Variants in FBXW10B observed in about 807,000 individuals in gnomAD.
The protein encoded by FBXW10B is F-box and WD repeat domain containing 10B.
chr17:15,594,984 C>G, the FBXW10B span: 2 of 1,548,966 alleles, frequency 1.3e-6, no homozygotes, highest in African/African-American at 2.7e-5. Flanking sequence ...AAGCCACCCC[C>G]CAACCAATCT....
chr17:15,579,796 T>C, the FBXW10B span, among the ~76,000 whole-genome samples: 2 of 152,354 alleles, frequency 1.3e-5, no homozygotes, highest in Admixed American at 6.5e-5. Context: ...TTAAGTGCAA[T>C]AAATAGGCAC....
chr17:15,588,040 C>A, the FBXW10B span, among the ~76,000 whole-genome samples: 2 of 152,172 alleles, frequency 1.3e-5, no homozygotes, highest in African/African-American at 4.8e-5. Flanking sequence ...AAGCCTTTCA[C>A]AAGATTCCAT....
chr17:15,593,537 A>G, the FBXW10B span: 1 of 1,605,310 alleles, frequency 6.2e-7, no homozygotes, highest in Non-Finnish European at 8.5e-7. Flanking sequence ...ATCCTCTCAT[A>G]AAATGCCTGG....
At chr17:15,568,034 G>A in the FBXW10B span, among the ~76,000 whole-genome samples, 2 of 152,214 alleles carry the variant, frequency 1.3e-5, no homozygotes, top group South Asian at 2.1e-4. Context: ...TAGAGTGGTG[G>A]GTTATTGAAC....
the FBXW10B span, chr17:15,589,228 C>T: frequency 5.6e-6 from 9 of 1,613,762 alleles, no homozygotes; most frequent in Middle Eastern, 1.6e-4. Flanking sequence ...GACTGAAATT[C>T]TGTGGATGCA....
At chr17:15,604,743 T>C in the FBXW10B span, among the ~76,000 whole-genome samples, 1 of 152,112 alleles carries the variant, frequency 6.6e-6, no homozygotes, top group Non-Finnish European at 1.5e-5. Flanking sequence ...TTCACCATGT[T>C]AGCCAGGATG....
chr17:15,576,552 C>T, the FBXW10B span, among the ~76,000 whole-genome samples: 1 of 152,196 alleles, frequency 6.6e-6, no homozygotes, highest in East Asian at 1.9e-4. Flanking sequence ...CAGGACTGGG[C>T]CTTTCTTCTT....
chr17:15,599,996 C>T, the FBXW10B span, among the ~76,000 whole-genome samples: 2,215 of 151,822 alleles, frequency 0.015, 52 homozygotes, highest in African/African-American at 0.051. Context: ...GCAAGCAGAT[C>T]ACGAGGTCAG....
chr17:15,585,811 G>T, the FBXW10B span, among the ~76,000 whole-genome samples: 1 of 152,232 alleles, frequency 6.6e-6, no homozygotes, highest in Non-Finnish European at 1.5e-5. Context: ...CATGAGCTTT[G>T]CTCTTGATCT....
the FBXW10B span, among the ~76,000 whole-genome samples, chr17:15,570,761 C>T: frequency 5.9e-5 from 9 of 152,172 alleles, no homozygotes; most frequent in East Asian, 7.7e-4. Flanking sequence ...GTCAGTATTC[C>T]AAAATCAGCT....
the FBXW10B span, among the ~76,000 whole-genome samples, chr17:15,611,578 C>G: frequency 6.6e-6 from 1 of 152,126 alleles, no homozygotes; most frequent in Admixed American, 6.5e-5. Flanking sequence ...CCACACCACC[C>G]GTCTCCTCCT....
chr17:15,574,558 TTGA>T, the FBXW10B span, among the ~76,000 whole-genome samples: 2 of 114,606 alleles, frequency 1.7e-5, no homozygotes, highest in African/African-American at 7.5e-5. Context: ...TCGGGGCCAC[TTGA>T]TGAACTTGAG....
chr17:15,588,691 A>C, the FBXW10B span: 1 of 639,128 alleles, frequency 1.6e-6, no homozygotes, highest in Non-Finnish European at 2.8e-6. Flanking sequence ...TCTTATTGTA[A>C]GTTTGTTTCA....
At chr17:15,601,838 C>T in the FBXW10B span, among the ~76,000 whole-genome samples, 8 of 152,206 alleles carry the variant, frequency 5.3e-5, no homozygotes, top group Admixed American at 2.0e-4. Context: ...TGAGGCCGGG[C>T]GCGGTGGCTC....
chr17:15,575,163 A>G, the FBXW10B span, among the ~76,000 whole-genome samples: 2 of 147,966 alleles, frequency 1.4e-5, no homozygotes, highest in East Asian at 2.0e-4. Flanking sequence ...AGTTCTTCTC[A>G]GGAGGATAAA....
chr17:15,596,059 C>A, the FBXW10B span, among the ~76,000 whole-genome samples: 4 of 151,088 alleles, frequency 2.6e-5, no homozygotes, highest in Non-Finnish European at 5.9e-5. Context: ...TTTGTATTTT[C>A]TTTTTTTTAG....
At chr17:15,580,635 A>G in the FBXW10B span, among the ~76,000 whole-genome samples, 1 of 134,832 alleles carries the variant, frequency 7.4e-6, no homozygotes, top group Non-Finnish European at 1.6e-5. Context: ...CTCTATTTAA[A>G]TAGGTCCTTC....
At chr17:15,616,409 A>G in the FBXW10B span, among the ~76,000 whole-genome samples, 2 of 151,722 alleles carry the variant, frequency 1.3e-5, no homozygotes, top group Non-Finnish European at 2.9e-5. Flanking sequence ...ACTCCAGGTG[A>G]TCCACCCGCC....
At chr17:15,612,235 C>A in the FBXW10B span, among the ~76,000 whole-genome samples, 13 of 152,100 alleles carry the variant, frequency 8.5e-5, no homozygotes, top group Non-Finnish European at 1.6e-4. Context: ...GGGCTGGGCG[C>A]GGTGGCTCAC....
Sources: gnomAD v4.1 joint callset for allele counts (sites outside exome capture counted in the v4.1 genomes callset) on GRCh38, gnomAD v4.1.1 for gene constraint, MANE v1.5 for transcripts, NCBI Gene and HGNC (gene_info 2026-07-23, HGNC 2026-07-21) for gene names.